The following MYPN variants were observed in gnomAD, a reference collection of about 807,000 sequenced individuals.
The protein encoded by MYPN is sarcomeric protein myopalladin, 145 kDa (MYOP).
Under a neutral mutation model 129.4 loss-of-function variants are expected in MYPN, and 63 were observed. The ratio of observed to expected loss-of-function variants is 0.49; its 90% CI spans 0.40 to 0.60. The LOEUF (loss-of-function observed/expected upper bound fraction) is 0.60, where lower values mean the gene tolerates loss of function less well. Ranked by LOEUF, MYPN falls within the 20% of genes least tolerant of loss-of-function variation. The probability of loss-of-function intolerance (pLI) is 0.00; values close to 1 mark genes in which losing one functional copy is unlikely to be tolerated. For synonymous variants in MYPN, 629 were observed against 600.9 expected (o/e 1.05, Z -0.68); for missense variants, 1,596 against 1,635.4 (o/e 0.98, Z 0.42).
chr10:68,182,276 AAC>A (rs1455043411), intron 12 of MYPN, among the ~76,000 whole-genome samples: 3 of 22,460 alleles, frequency 1.3e-4, no homozygotes, highest in Non-Finnish European at 3.4e-4. Context: ...ACATATATAT[AAC>A]ACACATATAT....
chr10:68,122,412 T>C, intron 2 of MYPN, 72 bp downstream of exon 2: 1 of 1,508,848 alleles, frequency 6.6e-7, no homozygotes, highest in Non-Finnish European at 9.2e-7. Context: ...AGTATTATCA[T>C]TTAAGCACCT....
intron 1 of MYPN, among the ~76,000 whole-genome samples, chr10:68,089,882 CTT>C (rs1378293940): frequency 1.3e-5 from 2 of 152,104 alleles, no homozygotes; most frequent in Admixed American, 1.3e-4. Flanking sequence ...ATAATTTTCA[CTT>C]AATGATAATC....
chr10:68,116,609 G>T (rs925919049), intron 1 of MYPN, among the ~76,000 whole-genome samples: 1 of 152,090 alleles, frequency 6.6e-6, no homozygotes, highest in Non-Finnish European at 1.5e-5. Flanking sequence ...GGTGGCAGGT[G>T]CCTATAATCC....
chr10:68,120,445 T>A lies in MYPN; in HGVS notation c.-1-993T>A, dbSNP rs945137747. On this transcript the variant is annotated intron_variant, in intron 1 of 19. Transcript: ENST00000358913. ...GCATCATATTCCATTATATCTCATT[T>A]CCCCTCTTAACCAAAGTTAATTTAA... 9.2e-5 allele frequency among the ~76,000 whole-genome samples: 14 copies of A among 152,280 alleles called. No individual in the cohort carries two copies. The South Asian group carries it at 1.9e-3, about 20-fold the overall frequency.
chr10:68,129,362 A>G (rs2134018838), intron 2 of MYPN, among the ~76,000 whole-genome samples: 2 of 152,300 alleles, frequency 1.3e-5, no homozygotes, highest in Middle Eastern at 6.8e-3. Flanking sequence ...TGAAATCAGA[A>G]TGTCTGTTTT....
At chr10:68,103,201 T>A (rs757168341), upstream of MYPN, among the ~76,000 whole-genome samples, 4 of 152,206 alleles carry the variant, frequency 2.6e-5, no homozygotes, top group Non-Finnish European at 4.4e-5. Flanking sequence ...TGAACTTGGA[T>A]AAGGATATAA....
At chr10:68,111,266 T>C (rs936320325) in intron 1 of MYPN, among the ~76,000 whole-genome samples, 11 of 152,184 alleles carry the variant, frequency 7.2e-5, no homozygotes, top group Non-Finnish European at 4.4e-5. Context: ...AATGAACTAA[T>C]GTTGGTATGT....
At chr10:68,109,034 C>T (rs897818406), upstream of MYPN, among the ~76,000 whole-genome samples, 1 of 152,082 alleles carries the variant, frequency 6.6e-6, no homozygotes, top group Middle Eastern at 3.2e-3. Flanking sequence ...GAATTTTTAA[C>T]GTTAGTTACC....
intron 2 of MYPN, among the ~76,000 whole-genome samples, chr10:68,124,119 C>G (rs561222226): frequency 1.3e-5 from 2 of 152,128 alleles, no homozygotes; most frequent in Non-Finnish European, 2.9e-5. Context: ...TAGGCTATAC[C>G]TAATTTTGCA....
intron 1 of MYPN, among the ~76,000 whole-genome samples, chr10:68,120,714 A>G (rs1366546532): frequency 1.3e-5 from 2 of 152,332 alleles, no homozygotes; most frequent in African/African-American, 4.8e-5. Context: ...CTATAATTCT[A>G]TTACATTCAA....
At chr10:68,150,225 G>A (rs976306709) in intron 6 of MYPN, 114 bp downstream of exon 6, 2 of 918,388 alleles carry the variant, frequency 2.2e-6, no homozygotes, top group South Asian at 2.8e-5. Flanking sequence ...CTGTATGTAC[G>A]GTATAGGGTT....
intron 11 of MYPN, among the ~76,000 whole-genome samples, chr10:68,175,014 G>A (rs1404134176): frequency 1.3e-5 from 2 of 152,062 alleles, no homozygotes; most frequent in Non-Finnish European, 1.5e-5. Context: ...GTGCATGCCT[G>A]TAATCCCAGC....
chr10:68,194,555 G>A, intron 14 of MYPN, 43 bp downstream of exon 14: 2 of 1,606,226 alleles, frequency 1.2e-6, no homozygotes, highest in Non-Finnish European at 1.7e-6. Flanking sequence ...TCTGAGGAAG[G>A]AGCGGTTGAT....
rs772710994 is a variant in MYPN at position 68,121,447 on chromosome 10, C to T, written c.9C>T (p.Asp3=). MQ[D]DSIEASTSIS... ...TATTATTTTGTGACAGCATGCAAGA[C>T]GACAGCATAGAAGCTTCTACTTCCA... Residue 3 remains aspartate (D), a synonymous_variant, in exon 2 of 20, where the codon GAC becomes GAT. Coordinates refer to ENST00000358913, the MANE Select transcript of MYPN (RefSeq NM_032578.4). 3.1e-6 allele frequency: 5 copies of T among 1,610,218 alleles called. No homozygotes were observed. The highest frequency in any genetic ancestry group is 4.2e-6 in the Non-Finnish European group (5 of 1,178,570).
chr10:68,186,827 T>C (rs1366872196), intron 12 of MYPN, among the ~76,000 whole-genome samples: 1 of 151,998 alleles, frequency 6.6e-6, no homozygotes, highest in South Asian at 2.1e-4. Flanking sequence ...AGAAAAATAC[T>C]AGATAGTAAC....
chr10:68,191,150 G>A (rs2043504764), intron 13 of MYPN, among the ~76,000 whole-genome samples: 1 of 151,858 alleles, frequency 6.6e-6, no homozygotes, highest in African/African-American at 2.4e-5. Flanking sequence ...TTTTTGCTCA[G>A]GGTTGTTTTG....
At chr10:68,177,964 G>A (rs10509299) in intron 12 of MYPN, among the ~76,000 whole-genome samples, 47,640 of 152,090 alleles carry the variant, frequency 0.31, 7,925 homozygotes, top group East Asian at 0.66. Flanking sequence ...TGCTGAGCAT[G>A]AAAATAAATC....
At chr10:68,107,624 T>C (rs2042029066), upstream of MYPN, among the ~76,000 whole-genome samples, 1 of 152,078 alleles carries the variant, frequency 6.6e-6, no homozygotes, top group South Asian at 2.1e-4. Flanking sequence ...GTGCTAGGAT[T>C]ACAGGCGTGA....
intron 13 of MYPN, among the ~76,000 whole-genome samples, chr10:68,193,349 A>G (rs2043547235): frequency 6.6e-6 from 1 of 152,210 alleles, no homozygotes; most frequent in Non-Finnish European, 1.5e-5. Context: ...TCAAATTTTA[A>G]TAAAAGTTTA....
Sources: allele counts gnomAD v4.1 joint callset (sites outside exome capture counted in the v4.1 genomes callset), GRCh38; gene constraint gnomAD v4.1.1; transcripts MANE v1.5; gene names NCBI Gene and HGNC (gene_info 2026-07-23, HGNC 2026-07-21).